Variants in RNF38 observed in about 807,000 individuals in gnomAD.
RNF38 encodes the protein E3 ubiquitin-protein ligase RNF38.
A neutral mutation model predicts 67.2 loss-of-function variants in RNF38; 15 were observed. The ratio of observed to expected loss-of-function variants is 0.22; its 90% CI spans 0.15 to 0.34. The LOEUF (loss-of-function observed/expected upper bound fraction) is 0.34. Ranked by LOEUF, RNF38 falls within the 10% of genes least tolerant of loss-of-function variation. The probability of loss-of-function intolerance (pLI) is 1.00; values close to 1 mark genes in which losing one functional copy is unlikely to be tolerated. For missense variants in RNF38, 524 were observed against 639.9 expected (o/e 0.82, Z 1.95); for synonymous variants, 220 against 218.8 (o/e 1.01, Z -0.05).
chr9:36,404,370 C>T (rs1838130775), upstream of RNF38, among the ~76,000 whole-genome samples: 1 of 152,150 alleles, frequency 6.6e-6, no homozygotes, highest in Non-Finnish European at 1.5e-5. Context: ...AGCAGGTTAT[C>T]CTTCAGAGTG....
intron 1 of RNF38, among the ~76,000 whole-genome samples, chr9:36,465,283 A>G (rs1300731067): frequency 6.6e-6 from 1 of 152,252 alleles, no homozygotes; most frequent in Non-Finnish European, 1.5e-5. Flanking sequence ...TGTTTACACA[A>G]GAGAAATAAA....
At chr9:36,392,295 T>G (rs1837172808) in intron 1 of RNF38, among the ~76,000 whole-genome samples, 2 of 152,206 alleles carry the variant, frequency 1.3e-5, no homozygotes. Flanking sequence ...AGCAGAAACT[T>G]TAGAATTCAT....
intron 1 of RNF38, among the ~76,000 whole-genome samples, chr9:36,449,953 A>G (rs889556272): frequency 2.6e-5 from 4 of 152,186 alleles, no homozygotes; most frequent in Non-Finnish European, 5.9e-5. Context: ...CATAAAATAC[A>G]TAGTATTGAC....
At chr9:36,482,699 C>T (rs971643919) in intron 1 of RNF38, among the ~76,000 whole-genome samples, 36 of 152,256 alleles carry the variant, frequency 2.4e-4, no homozygotes, top group African/African-American at 8.7e-4. Flanking sequence ...ATTTCTCCAG[C>T]CTCATAACAA....
intron 1 of RNF38, among the ~76,000 whole-genome samples, chr9:36,457,266 G>A (rs1206877313): frequency 2.6e-5 from 4 of 152,236 alleles, no homozygotes; most frequent in African/African-American, 9.6e-5. Context: ...CCAAACATAA[G>A]AAACAACTAT....
chr9:36,441,700 C>T (rs999740363), intron 1 of RNF38, among the ~76,000 whole-genome samples: 3 of 138,582 alleles, frequency 2.2e-5, no homozygotes, highest in African/African-American at 5.7e-5. Flanking sequence ...GTCTAAGATG[C>T]GTTCATATAC....
At chr9:36,454,627 G>T (rs1028893276) in intron 1 of RNF38, among the ~76,000 whole-genome samples, 2 of 122,026 alleles carry the variant, frequency 1.6e-5, no homozygotes, top group African/African-American at 6.3e-5. Context: ...CTGTCGCCCC[G>T]GCTGCAGTGC....
At chr9:36,459,059 T>C (rs1839661659) in intron 1 of RNF38, among the ~76,000 whole-genome samples, 1 of 151,624 alleles carries the variant, frequency 6.6e-6, no homozygotes, top group South Asian at 2.1e-4. Context: ...AATACAAAAA[T>C]TAGGTGGGCG....
At chr9:36,399,404 A>G (rs1000909812) in intron 1 of RNF38, among the ~76,000 whole-genome samples, 3 of 151,136 alleles carry the variant, frequency 2.0e-5, no homozygotes, top group African/African-American at 7.3e-5. Context: ...TCTTACAGAA[A>G]TATCATAAAA....
chr9:36,373,097 CT>C (rs1835508890), intron 3 of RNF38, among the ~76,000 whole-genome samples: 1 of 152,120 alleles, frequency 6.6e-6, no homozygotes, highest in Admixed American at 6.6e-5. Flanking sequence ...ATCCCAGCTA[CT>C]TGTGAGGCTG....
intron 2 of RNF38, among the ~76,000 whole-genome samples, chr9:36,410,353 G>T (rs187754354): frequency 2.0e-5 from 3 of 152,228 alleles, no homozygotes; most frequent in Admixed American, 2.0e-4. Context: ...TTGAAATGGA[G>T]TCTTGCTCTG....
chr9:36,460,865 C>A (rs1177898517), intron 1 of RNF38, among the ~76,000 whole-genome samples: 19 of 101,128 alleles, frequency 1.9e-4, no homozygotes, highest in African/African-American at 7.5e-4. Flanking sequence ...CCAGCCTGGG[C>A]AACAAGAGGG....
chr9:36,348,377 G>A (rs1833454962), intron 9 of RNF38, among the ~76,000 whole-genome samples: 2 of 152,146 alleles, frequency 1.3e-5, no homozygotes, highest in African/African-American at 4.8e-5. Flanking sequence ...GGAGGCTGAG[G>A]TGGGAGAATC....
chr9:36,463,191 T>A (rs1232368115), intron 1 of RNF38, among the ~76,000 whole-genome samples: 1 of 152,202 alleles, frequency 6.6e-6, no homozygotes, highest in Non-Finnish European at 1.5e-5. Flanking sequence ...ATCATGAGGA[T>A]GTAAGCTTCA....
chr9:36,375,799 T>C lies in RNF38; in HGVS notation c.356+135A>G, dbSNP rs1271283685. ...ACTGGAAATCTAGGCAACTTTCTTT[T>C]TCGTGAGTGAATGTACGTGTATATG... is the stretch of plus-strand genomic sequence containing the variant. On this transcript the variant is annotated intron_variant, in intron 3 of 11. Coordinates refer to ENST00000259605, the MANE Select transcript of RNF38 (RefSeq NM_022781.5). The C allele has an allele frequency of 1.6e-5, 12 of 746,066 alleles. No homozygotes were observed. The Middle Eastern group carries it at 8.7e-4, about 54-fold the overall frequency. The allele number at this position is 746,066 out of a possible 1,614,324, so 46.2% of individuals were successfully genotyped here.
chr9:36,446,565 G>T (rs1250044494), intron 1 of RNF38, among the ~76,000 whole-genome samples: 2 of 152,066 alleles, frequency 1.3e-5, no homozygotes, highest in African/African-American at 4.8e-5. Flanking sequence ...CCAACACTTT[G>T]GGAAGCTGAG....
At chr9:36,458,696 A>T (rs531727040) in intron 1 of RNF38, among the ~76,000 whole-genome samples, 1 of 151,170 alleles carries the variant, frequency 6.6e-6, no homozygotes, top group Non-Finnish European at 1.5e-5. Context: ...AACTCTGGAC[A>T]CACCATCTTT....
intron 1 of RNF38, among the ~76,000 whole-genome samples, chr9:36,455,899 A>G (rs1445355481): frequency 4.4e-5 from 6 of 137,334 alleles, no homozygotes; most frequent in Non-Finnish European, 8.9e-5. Flanking sequence ...TGACAGAGCA[A>G]GACTCCACCT....
At chr9:36,397,435 T>C (rs550961125) in intron 1 of RNF38, among the ~76,000 whole-genome samples, 1 of 152,260 alleles carries the variant, frequency 6.6e-6, no homozygotes, top group East Asian at 1.9e-4. Context: ...GAAAAGCTAA[T>C]AGGCAGTATT....
Sources: allele counts gnomAD v4.1 joint callset (sites outside exome capture counted in the v4.1 genomes callset), GRCh38; gene constraint gnomAD v4.1.1; transcripts MANE v1.5; gene names NCBI Gene and HGNC (gene_info 2026-07-23, HGNC 2026-07-21).